CUX2: variants seen among roughly 807,000 people sequenced by gnomAD.
CUX2 encodes the protein cut like homeobox 2.
A neutral mutation model predicts 144.8 loss-of-function variants in CUX2; 40 were observed. The ratio of observed to expected loss-of-function variants is 0.28; its 90% CI spans 0.21 to 0.36. The LOEUF (loss-of-function observed/expected upper bound fraction) is 0.36. CUX2 is among the 10% of genes least tolerant of loss of function. The pLI, the probability that CUX2 is intolerant of heterozygous loss-of-function variation, is 1.00. For missense variants in CUX2, 1,615 were observed against 1,994.0 expected, an observed-to-expected ratio of 0.81 and a Z score of 3.62; for synonymous variants, 827 against 875.6, an observed-to-expected ratio of 0.94 and a Z score of 0.98.
rs1885423202 is a variant in CUX2, at chr12:111,287,082, G to A, written c.302-4336G>A. 6.6e-6 allele frequency among the ~76,000 whole-genome samples: 1 copy of A among 152,190 alleles called. No homozygotes were observed. Among genetic ancestry groups the A allele is most frequent in the Non-Finnish European group, 1.5e-5 (1 of 68,028 alleles). On this transcript the variant is annotated intron_variant, in intron 4 of 21. Transcript: ENST00000261726. The surrounding 1 kb of genome is among the most constrained non-coding windows in gnomAD (Gnocchi z 4.2). ...TGAATCAAAGGTCCAGCCAGCCCCT[G>A]TTCCCACCAGCCTCTCTGGGGAGCC...
At chr12:111,346,447 G>C (rs1888808611) in intron 21 of CUX2, among the ~76,000 whole-genome samples, 2 of 149,974 alleles carry the variant, frequency 1.3e-5, no homozygotes, top group Non-Finnish European at 3.0e-5. Context: ...CTGCACTCCA[G>C]CCTGGGCAAC....
At chr12:111,086,245 A>C (rs550663499) in intron 1 of CUX2, among the ~76,000 whole-genome samples, 2 of 152,312 alleles carry the variant, frequency 1.3e-5, no homozygotes, top group Admixed American at 1.3e-4. Context: ...ATCACAGAGC[A>C]ATGGATGTGA....
chr12:111,337,999 C>T (rs1196537532), intron 19 of CUX2, among the ~76,000 whole-genome samples: 15 of 151,828 alleles, frequency 9.9e-5, no homozygotes, highest in East Asian at 1.9e-4. Flanking sequence ...CATGCCACTA[C>T]GCTCAGCCTG....
intron 1 of CUX2, among the ~76,000 whole-genome samples, chr12:111,044,450 G>C (rs911884262): frequency 5.3e-5 from 8 of 151,596 alleles, no homozygotes; most frequent in African/African-American, 1.9e-4. Context: ...AAGCCAAGCA[G>C]GTCCCAGCTT....
In CUX2 at chr12:111,347,716, C is replaced by T. The variant is rs368882902; in HGVS notation, c.3852C>T (p.Asn1284=). Residue 1284 remains asparagine, a synonymous_variant, in exon 22 of 22, where the codon AAC becomes AAT. Transcript: ENST00000261726. ...ELELQEGPEE[N]STPLTTQDKA... is the part of the protein sequence containing the mutation. ...AGCTTCAGGAGGGCCCTGAGGAGAA[C>T]AGCACACCCCTGACCACCCAGGACA... 5 of 1,611,912 alleles carry T rather than the reference C, an allele frequency of 3.1e-6. No individual in the cohort carries two copies. The highest frequency in any genetic ancestry group is 1.7e-6 in the Non-Finnish European group (2 of 1,179,060).
At chr12:111,288,535 C>G (rs914782703) in intron 4 of CUX2, among the ~76,000 whole-genome samples, 3 of 151,884 alleles carry the variant, frequency 2.0e-5, no homozygotes, top group African/African-American at 7.3e-5. Flanking sequence ...GCAGAAAAAT[C>G]TGGGGGAGCG....
At chr12:111,114,817 G>C (rs1874190814) in intron 1 of CUX2, among the ~76,000 whole-genome samples, 1 of 152,198 alleles carries the variant, frequency 6.6e-6, no homozygotes, top group South Asian at 2.1e-4. Flanking sequence ...TTTGTGATCT[G>C]TCTCAAATTA....
chr12:111,142,248 A>T (rs975359766), intron 1 of CUX2, among the ~76,000 whole-genome samples: 5 of 152,194 alleles, frequency 3.3e-5, no homozygotes, highest in Non-Finnish European at 7.3e-5. Context: ...AATTCAAAAT[A>T]AAAGGGATGT....
At chr12:111,271,491 T>C (rs1171426700) in intron 4 of CUX2, among the ~76,000 whole-genome samples, 6 of 152,196 alleles carry the variant, frequency 3.9e-5, no homozygotes, top group Admixed American at 3.3e-4. Context: ...TAACAATCCC[T>C]TGTATAGCTG....
chr12:111,112,075 A>G (rs1195466393), intron 1 of CUX2, among the ~76,000 whole-genome samples: 1 of 152,114 alleles, frequency 6.6e-6, no homozygotes, highest in Non-Finnish European at 1.5e-5. Flanking sequence ...CTGCTAAGCA[A>G]AGAAAGTGGT....
intron 1 of CUX2, among the ~76,000 whole-genome samples, chr12:111,098,892 A>T (rs1403191599): frequency 6.6e-6 from 1 of 152,210 alleles, no homozygotes. Flanking sequence ...TGCAGGGGAA[A>T]GGGGGAGCAC....
chr12:111,069,067 C>T (rs566305731), intron 1 of CUX2, among the ~76,000 whole-genome samples: 2 of 152,076 alleles, frequency 1.3e-5, no homozygotes, highest in East Asian at 3.9e-4. Context: ...GATCGCACCT[C>T]TGCATTCCAG....
chr12:111,121,802 A>G (rs541906149), intron 1 of CUX2, among the ~76,000 whole-genome samples: 45 of 152,192 alleles, frequency 3.0e-4, no homozygotes, highest in African/African-American at 1.0e-3. Flanking sequence ...AGGTGTCATT[A>G]TAGGTATGAA....
chr12:111,040,348 T>TC (rs775740242), intron 1 of CUX2, among the ~76,000 whole-genome samples: 11 of 151,968 alleles, frequency 7.2e-5, no homozygotes, highest in Middle Eastern at 3.2e-3. Context: ...AAATTTTTTT[T>TC]CCCTGACAGA....
rs1054259228 is a variant in CUX2 at position 111,224,418 on chromosome 12, A to T, written c.222+6481A>T. Among the ~76,000 whole-genome samples, 6 of 144,550 alleles carry T rather than the reference A, an allele frequency of 4.2e-5. 1 individual carries two copies. In the Admixed American group the frequency reaches 4.2e-4, roughly 10 times the overall value. 94.8% of individuals were successfully genotyped at this position (144,550 alleles called of 152,430 possible). ...TGGCCCCGAGCCCCCACCCAGCCCC[A>T]TGTGCTGCGTCCTTCTTTGGTTCCT... On this transcript the variant is annotated intron_variant, in intron 3 of 21. Transcript: ENST00000261726.
intron 19 of CUX2, among the ~76,000 whole-genome samples, chr12:111,337,639 A>AATCTG (rs1262005929): frequency 3.3e-5 from 5 of 152,236 alleles, no homozygotes; most frequent in African/African-American, 9.6e-5. Context: ...ACTGGGATGG[A>AATCTG]ATCTGTCAAA....
At chr12:111,216,774 A>T (rs1460862586) in intron 2 of CUX2, among the ~76,000 whole-genome samples, 1 of 145,854 alleles carries the variant, frequency 6.9e-6, no homozygotes, top group Non-Finnish European at 1.5e-5. Flanking sequence ...GGTCCCCAAC[A>T]TACATCAGTC....
chr12:111,124,166 C>T (rs1021414378), intron 1 of CUX2, among the ~76,000 whole-genome samples: 2 of 152,186 alleles, frequency 1.3e-5, no homozygotes, highest in Admixed American at 1.3e-4. Flanking sequence ...ACTTCCCTTT[C>T]ACTCTCTGAA....
chr12:111,316,900 C>A (rs60676936), intron 16 of CUX2, among the ~76,000 whole-genome samples: 2,757 of 152,232 alleles, frequency 0.018, 42 homozygotes, highest in Admixed American at 0.033. Flanking sequence ...ACTCTCCCCC[C>A]AGCCCCTGGA....
Sources: allele counts gnomAD v4.1 joint callset (sites outside exome capture counted in the v4.1 genomes callset), GRCh38; gene constraint gnomAD v4.1.1; non-coding constraint Gnocchi (gnomAD v3.1); transcripts MANE v1.5; gene names NCBI Gene and HGNC (gene_info 2026-07-23, HGNC 2026-07-21).